SORCS3: variants seen among roughly 807,000 people sequenced by gnomAD.
The protein encoded by SORCS3 is VPS10 domain-containing receptor SorCS3.
In SORCS3, 57 loss-of-function variants were observed where a neutral mutation model predicts 146.3. That is an observed-to-expected ratio of 0.39 (90% CI 0.31 to 0.49). The LOEUF (loss-of-function observed/expected upper bound fraction) is 0.49. SORCS3 is among the 20% of genes least tolerant of loss of function. The pLI is 0.92. For missense variants in SORCS3, 1,341 were observed against 1,575.5 expected (o/e 0.85, Z 2.52); for synonymous variants, 653 against 618.5 (o/e 1.06, Z -0.83).
At chr10:105,198,225 T>G (rs542608746) in intron 14 of SORCS3, among the ~76,000 whole-genome samples, 15 of 152,256 alleles carry the variant, frequency 9.9e-5, no homozygotes, top group South Asian at 6.2e-4. Flanking sequence ...GGAAGTAAAT[T>G]TGAACTATGT....
chr10:105,162,984 C>T (rs902730893), intron 11 of SORCS3, among the ~76,000 whole-genome samples: 1 of 152,184 alleles, frequency 6.6e-6, no homozygotes, highest in African/African-American at 2.4e-5. Flanking sequence ...CTCCCCATTT[C>T]CCTTTACTTT....
chr10:104,884,886 C>G lies in SORCS3; in HGVS notation c.696-30947C>G, dbSNP rs114187334. Among the ~76,000 whole-genome samples, 700 of 152,042 alleles carry G rather than the reference C, an allele frequency of 4.6e-3. 4 individuals are homozygous for G. The highest frequency in any genetic ancestry group is 0.016 in the African/African-American group (676 of 41,464). On this transcript the variant is annotated intron_variant, in intron 2 of 26. Coordinates refer to ENST00000369701, the MANE Select transcript of SORCS3 (RefSeq NM_014978.3). ...ATGTCCCTCCAGGGGTGCTTGCTAC[C>G]AATCCTAGTGGACCTGGACTAGTTA...
chr10:104,919,841 G>A (rs1385536140), intron 3 of SORCS3, among the ~76,000 whole-genome samples: 2 of 152,144 alleles, frequency 1.3e-5, no homozygotes, highest in Non-Finnish European at 2.9e-5. Context: ...CAGTGCACAC[G>A]TAGTCTACAT....
chr10:104,670,822 G>T (rs1159944009), intron 1 of SORCS3, among the ~76,000 whole-genome samples: 2 of 152,072 alleles, frequency 1.3e-5, no homozygotes, highest in Non-Finnish European at 2.9e-5. Flanking sequence ...CATGGGGTTT[G>T]TCCATTTATG....
chr10:105,216,993 T>C lies in SORCS3; in HGVS notation c.2605T>C (p.Tyr869His), dbSNP rs1337410473. 6.2e-7 allele frequency: 1 copy of C among 1,614,174 alleles called. No individual in the cohort carries two copies. The highest frequency in any genetic ancestry group is 8.5e-7 in the Non-Finnish European group (1 of 1,180,022). ...CTTTGGGGATGGGATTGCTGTGTCC[T>C]ACGCAAACTTCAGCCCCATCGAGGA... ...LDFGDGIAVSYANFSPIEDGI... is the reference protein window; with the variant it reads ...LDFGDGIAVSHANFSPIEDGI... Residue 869 changes from tyrosine (Y) to histidine (H), a missense_variant, in exon 19 of 27, where the codon TAC becomes CAC. Physicochemically the swap from Tyr to His is moderately conservative, Grantham distance 83. Transcript: ENST00000369701.
chr10:105,170,081 A>C (rs1412223269), intron 13 of SORCS3, among the ~76,000 whole-genome samples: 1 of 152,092 alleles, frequency 6.6e-6, no homozygotes, highest in Non-Finnish European at 1.5e-5. Flanking sequence ...TATTTTTGTC[A>C]TTTCCTTTTG....
intron 1 of SORCS3, among the ~76,000 whole-genome samples, chr10:104,774,093 G>A (rs866129282): frequency 9.2e-5 from 14 of 152,104 alleles, no homozygotes; most frequent in African/African-American, 3.4e-4. Context: ...AATTTCACAA[G>A]CCATCTCCCA....
chr10:104,903,379 G>A (rs903781224), intron 2 of SORCS3, among the ~76,000 whole-genome samples: 6 of 152,134 alleles, frequency 3.9e-5, no homozygotes, highest in Admixed American at 2.6e-4. Context: ...GTGAGGACAA[G>A]AGACTATGGA....
At chr10:104,977,932 A>T (rs2054910681) in intron 4 of SORCS3, among the ~76,000 whole-genome samples, 1 of 151,764 alleles carries the variant, frequency 6.6e-6, no homozygotes, top group Non-Finnish European at 1.5e-5. Context: ...GGGTTTCACC[A>T]AGTTGGCCAG....
chr10:104,661,953 T>C (rs1024662831), intron 1 of SORCS3, among the ~76,000 whole-genome samples: 1 of 152,214 alleles, frequency 6.6e-6, no homozygotes, highest in Non-Finnish European at 1.5e-5. Context: ...GTTTGCTGTG[T>C]GCCGGGTGCC....
intron 1 of SORCS3, among the ~76,000 whole-genome samples, chr10:104,710,335 G>C (rs1461585944): frequency 6.6e-6 from 1 of 152,154 alleles, no homozygotes; most frequent in Non-Finnish European, 1.5e-5. Context: ...TGCTGGGGAA[G>C]GACCTTTGCT....
At chr10:104,878,987 G>A (rs2018604531) in intron 2 of SORCS3, among the ~76,000 whole-genome samples, 1 of 152,120 alleles carries the variant, frequency 6.6e-6, no homozygotes, top group African/African-American at 2.4e-5. Flanking sequence ...AAATTCGGTG[G>A]TTCTCAGGGT....
chr10:105,060,402 T>C (rs1014468693), intron 5 of SORCS3, among the ~76,000 whole-genome samples: 2 of 152,174 alleles, frequency 1.3e-5, no homozygotes, highest in African/African-American at 4.8e-5. Flanking sequence ...AGGCTTTAAA[T>C]GCCAGGCTAA....
At chr10:105,240,958 ATATATC>A (rs1278160680) in intron 20 of SORCS3, among the ~76,000 whole-genome samples, 14 of 149,144 alleles carry the variant, frequency 9.4e-5, no homozygotes, top group Admixed American at 9.4e-4. Flanking sequence ...ATATATATAT[ATATATC>A]TATATCTATA....
At chr10:104,922,908 G>A (rs2019101817) in intron 3 of SORCS3, among the ~76,000 whole-genome samples, 2 of 152,216 alleles carry the variant, frequency 1.3e-5, no homozygotes, top group African/African-American at 4.8e-5. Context: ...GATAAACTAA[G>A]TCAAGTGTGG....
intron 1 of SORCS3, among the ~76,000 whole-genome samples, chr10:104,772,233 T>C (rs2017257988): frequency 6.6e-6 from 1 of 152,004 alleles, no homozygotes; most frequent in Non-Finnish European, 1.5e-5. Flanking sequence ...TGGCAGGGGA[T>C]TGTGCAGCAG....
chr10:104,930,923 G>A (rs1284272435), intron 3 of SORCS3, among the ~76,000 whole-genome samples: 1 of 152,164 alleles, frequency 6.6e-6, no homozygotes, highest in African/African-American at 2.4e-5. Flanking sequence ...TGACCAACCC[G>A]TGGTACCCTG....
intron 1 of SORCS3, among the ~76,000 whole-genome samples, chr10:104,670,775 T>C (rs2015841512): frequency 1.3e-5 from 2 of 152,322 alleles, no homozygotes; most frequent in Non-Finnish European, 1.5e-5. Context: ...TTGGATAGTA[T>C]TGACATTTTG....
At chr10:105,089,999 C>T (rs2055690934) in intron 6 of SORCS3, among the ~76,000 whole-genome samples, 160 bp downstream of exon 6, 2 of 152,174 alleles carry the variant, frequency 1.3e-5, no homozygotes, top group Admixed American at 6.5e-5. Context: ...GAAGTCCTTT[C>T]CTAAGGGAGA....
Sources: allele counts gnomAD v4.1 joint callset (sites outside exome capture counted in the v4.1 genomes callset), GRCh38; gene constraint gnomAD v4.1.1; transcripts MANE v1.5; gene names NCBI Gene and HGNC (gene_info 2026-07-23, HGNC 2026-07-21).